The following HDAC5 variants were observed in gnomAD, a reference collection of about 807,000 sequenced individuals.
HDAC5 encodes the protein histone deacetylase 5.
A neutral mutation model predicts 133.3 loss-of-function variants in HDAC5; 25 were observed. The ratio of observed to expected loss-of-function variants is 0.19; its 90% confidence interval spans 0.14 to 0.26. The LOEUF (loss-of-function observed/expected upper bound fraction) is 0.26, where lower values mean the gene tolerates loss of function less well. Ranked by LOEUF, HDAC5 falls within the 10% of genes least tolerant of loss-of-function variation. The probability of loss-of-function intolerance (pLI) is 1.00; values close to 1 mark genes in which losing one functional copy is unlikely to be tolerated. For synonymous variants in HDAC5, 589 were observed against 610.8 expected, an observed-to-expected ratio of 0.96 and a Z score of 0.53; for missense variants, 1,041 against 1,460.5, an observed-to-expected ratio of 0.71 and a Z score of 4.68.
chr17:44,122,112 C>G (rs1330938893), intron 1 of HDAC5, among the ~76,000 whole-genome samples: 1 of 152,084 alleles, frequency 6.6e-6, no homozygotes, highest in South Asian at 2.1e-4. Flanking sequence ...AATGAAGAAG[C>G]AGGCAGCCCC....
chr17:44,112,286 C>G (rs2052393252), intron 2 of HDAC5, among the ~76,000 whole-genome samples: 1 of 152,142 alleles, frequency 6.6e-6, no homozygotes, highest in Admixed American at 6.5e-5. Flanking sequence ...CCTGGCAGCA[C>G]AGCCCCTGCT....
At chr17:44,110,702 G>T (rs373758529) in intron 3 of HDAC5, 27 bp downstream of exon 3, 1 of 1,591,316 alleles carries the variant, frequency 6.3e-7, no homozygotes, top group African/African-American at 1.3e-5. Flanking sequence ...GATGACAGAG[G>T]GCAGGCAGGG....
chr17:44,105,391 T>C (rs1395929646), intron 3 of HDAC5, among the ~76,000 whole-genome samples: 1 of 152,206 alleles, frequency 6.6e-6, no homozygotes, highest in Non-Finnish European at 1.5e-5. Context: ...CCTGGGATGC[T>C]CTCTGGAGAA....
intron 3 of HDAC5, among the ~76,000 whole-genome samples, chr17:44,109,995 A>G (rs1211974965): frequency 1.2e-4 from 18 of 152,240 alleles, no homozygotes; most frequent in Admixed American, 1.2e-3. Context: ...CCCCTAGCCA[A>G]GAGCCAAAAA....
chr17:44,089,664 T>A (rs2050834839), intron 11 of HDAC5, among the ~76,000 whole-genome samples: 1 of 147,370 alleles, frequency 6.8e-6, no homozygotes, highest in African/African-American at 2.5e-5. Flanking sequence ...GGAGAATCAC[T>A]TGAACTCGAG....
At position 44,092,813 on chromosome 17, in the gene HDAC5, T is replaced by TGGGGGGGCCCCCCGGGGGG; in HGVS notation, c.642-8_642-7insCCCCCCGGGGGGCCCCCCC. On this transcript the variant is annotated splice_region_variant and splice_polypyrimidine_tract_variant and intron_variant, in intron 6 of 26. Transcript: ENST00000682912. The stretch of plus-strand genomic sequence containing the variant: ...AGAAGCATGGTGGGCTCCCCTGGGG[T>TGGGGGGGCCCCCCGGGGGG]GGGGGGGGGGTGGGGATGGAAGCAG... The TGGGGGGGCCCCCCGGGGGG allele has an allele frequency of 7.4e-6, 3 of 403,434 alleles. No individual in the cohort carries two copies. The highest frequency in any genetic ancestry group is 1.3e-5 in the Non-Finnish European group (3 of 232,464). The allele number at this position is 403,434 out of a possible 1,614,324, so 25.0% of individuals were successfully genotyped here.
intron 11 of HDAC5, among the ~76,000 whole-genome samples, chr17:44,090,758 C>T (rs1026675690): frequency 3.3e-5 from 5 of 152,048 alleles, no homozygotes; most frequent in Admixed American, 6.6e-5. Context: ...GGCACGATCT[C>T]GGCTCACTGC....
intron 20 of HDAC5, among the ~76,000 whole-genome samples, chr17:44,081,374 C>T (rs554097876): frequency 4.9e-4 from 74 of 151,902 alleles, no homozygotes; most frequent in African/African-American, 1.6e-3. Context: ...CTCAGCCTCC[C>T]GAGTAGCTGG....
intron 3 of HDAC5, among the ~76,000 whole-genome samples, chr17:44,108,349 T>C (rs1383723887): frequency 6.6e-6 from 1 of 152,118 alleles, no homozygotes; most frequent in African/African-American, 2.4e-5. Context: ...GCCCTCCCCA[T>C]GCGACATTCA....
chr17:44,110,111 G>A (rs1057380339), intron 3 of HDAC5, among the ~76,000 whole-genome samples: 1 of 152,254 alleles, frequency 6.6e-6, no homozygotes, highest in Non-Finnish European at 1.5e-5. Context: ...GACCTGGGGA[G>A]AGGAGCGCCA....
chr17:44,094,958 G>A (rs1157010623), intron 3 of HDAC5, among the ~76,000 whole-genome samples: 1 of 151,870 alleles, frequency 6.6e-6, no homozygotes, highest in Non-Finnish European at 1.5e-5. Context: ...AATGCACCAG[G>A]CTAATTTTTA....
Position 44,083,538 on chromosome 17 carries a change from C to G in HDAC5, c.2463+7G>C, listed in dbSNP as rs1426117955. ...AAGGGGCACCGAGGTCACAAGCACACGCTCACCTTGAGCTCTCCTGCAGCC... is the reference window on the plus strand; with the variant it reads ...AAGGGGCACCGAGGTCACAAGCACAGGCTCACCTTGAGCTCTCCTGCAGCC... On this transcript the variant is annotated splice_region_variant and intron_variant, in intron 18 of 26. Transcript: ENST00000682912. The G allele has an allele frequency of 1.9e-6, 3 of 1,607,370 alleles. No individual in the cohort carries two copies. In the South Asian group the frequency reaches 3.3e-5, roughly 18 times the overall value.
In HDAC5 at chr17:44,078,533, G is replaced by C; in HGVS notation, c.3296C>G (p.Ala1099Gly). The C allele has an allele frequency of 6.2e-7, 1 of 1,612,052 alleles. No individual in the cohort carries two copies. The highest frequency in any genetic ancestry group is 1.1e-5 in the South Asian group (1 of 90,964). Residue 1099 changes from alanine to glycine, a missense_variant, in exon 26 of 27, where the codon GCC becomes GGC. Transcript: ENST00000682912. ...GTGTTCCCGGGCTGCCGCAGCCTGG[G>C]CCTGCTCGGCCCCCACCGACAGCAA... ...MALLSVGAEQAQAAAAREHSP... is the reference protein window; with the variant it reads ...MALLSVGAEQGQAAAAREHSP...
At chr17:44,100,972 G>A (rs1454873465) in intron 3 of HDAC5, among the ~76,000 whole-genome samples, 1 of 148,694 alleles carries the variant, frequency 6.7e-6, no homozygotes, top group Non-Finnish European at 1.5e-5. Flanking sequence ...GTATTTTTAG[G>A]TAGAGACGGG....
At chr17:44,120,696 G>A (rs1246333035) in intron 1 of HDAC5, 1 of 151,310 alleles carries the variant, frequency 6.6e-6, no homozygotes, top group Admixed American at 6.6e-5. Flanking sequence ...AGCCAAGATT[G>A]TGTCATCGCA....
intron 24 of HDAC5, 104 bp from the exon 25 acceptor site, chr17:44,078,983 A>G: frequency 1.3e-6 from 2 of 1,519,356 alleles, no homozygotes; most frequent in Non-Finnish European, 1.8e-6. Context: ...AACAGGGGCA[A>G]ACATGGCCTT....
intron 3 of HDAC5, among the ~76,000 whole-genome samples, chr17:44,103,579 C>A (rs2051750070): frequency 6.6e-6 from 1 of 152,172 alleles, no homozygotes; most frequent in Non-Finnish European, 1.5e-5. Flanking sequence ...CGCGGAGGAG[C>A]TTGGCACAGG....
In HDAC5 at chr17:44,108,793, C is replaced by A. The variant is rs144335990; in HGVS notation, c.94+1936G>T. 6.2e-3 allele frequency among the ~76,000 whole-genome samples: 931 copies of A among 150,926 alleles called. 17 individuals are homozygous for A. The highest frequency in any genetic ancestry group is 0.021 in the African/African-American group (870 of 40,812). On this transcript the variant is annotated intron_variant, in intron 3 of 26. Transcript: ENST00000682912. ...AAAAACAAAAAAAAAACAAGGCTGC[C>A]GAGCTCCAGGCCTATATCTGTCCCT... is the stretch of plus-strand genomic sequence containing the variant.
intron 14 of HDAC5, among the ~76,000 whole-genome samples, chr17:44,086,124 C>A (rs2050636637): frequency 6.6e-6 from 1 of 152,202 alleles, no homozygotes; most frequent in Admixed American, 6.5e-5. Context: ...CCTGCTTTCC[C>A]CCTCCTGCCA....
Sources: allele counts gnomAD v4.1 joint callset (sites outside exome capture counted in the v4.1 genomes callset), GRCh38; gene constraint gnomAD v4.1.1; transcripts MANE v1.5; gene names NCBI Gene and HGNC (gene_info 2026-07-23, HGNC 2026-07-21).